Variants in COP1 observed in about 807,000 individuals in gnomAD.
COP1 encodes the protein E3 ubiquitin-protein ligase COP1.
Under a neutral mutation model 101.3 loss-of-function variants are expected in COP1, and 24 were observed. That is an observed-to-expected ratio of 0.24 (90% CI 0.17 to 0.33). The LOEUF is 0.33. Ranked by LOEUF, COP1 falls within the 10% of genes least tolerant of loss-of-function variation. The probability of loss-of-function intolerance (pLI) is 1.00; values close to 1 mark genes in which losing one functional copy is unlikely to be tolerated. For missense variants in COP1, 663 were observed against 906.2 expected (o/e 0.73, Z 3.45); for synonymous variants, 347 against 341.9 (o/e 1.01, Z -0.17).
chr1:176,061,614 G>A (rs1306783133), intron 11 of COP1, among the ~76,000 whole-genome samples: 1 of 151,820 alleles, frequency 6.6e-6, no homozygotes, highest in Non-Finnish European at 1.5e-5. Flanking sequence ...CAGCAAGAGT[G>A]AAACTCCGTC....
intron 18 of COP1, among the ~76,000 whole-genome samples, chr1:175,986,112 C>T (rs530525807): frequency 6.8e-4 from 104 of 152,246 alleles, no homozygotes; most frequent in Middle Eastern, 3.4e-3. Flanking sequence ...CTCTGCCTCG[C>T]GGGTTGATGC....
chr1:176,158,341 T>C (rs1693787528), intron 5 of COP1, among the ~76,000 whole-genome samples: 2 of 152,068 alleles, frequency 1.3e-5, no homozygotes, highest in Admixed American at 6.5e-5. Context: ...TTGTCAGACA[T>C]ATAAAAGAAA....
At chr1:176,081,931 G>T (rs887559734) in intron 10 of COP1, among the ~76,000 whole-genome samples, 1 of 152,080 alleles carries the variant, frequency 6.6e-6, no homozygotes, top group Non-Finnish European at 1.5e-5. Context: ...ATCTCTTGCT[G>T]AAATATGAAA....
chr1:176,045,771 G>A (rs1671413827), intron 12 of COP1, among the ~76,000 whole-genome samples: 1 of 151,782 alleles, frequency 6.6e-6, no homozygotes, highest in African/African-American at 2.4e-5. Flanking sequence ...GAATATTCTT[G>A]TAAAAAAAAT....
chr1:176,135,687 A>G (rs1689683226), intron 7 of COP1, among the ~76,000 whole-genome samples: 1 of 152,032 alleles, frequency 6.6e-6, no homozygotes, highest in South Asian at 2.1e-4. Context: ...TCTCTCTCAC[A>G]CTGACAACCT....
chr1:176,028,181 G>A (rs1668004524), intron 14 of COP1, among the ~76,000 whole-genome samples: 1 of 152,088 alleles, frequency 6.6e-6, no homozygotes, highest in African/African-American at 2.4e-5. Context: ...TGAGATCTGG[G>A]TGGGGACACA....
intron 5 of COP1, among the ~76,000 whole-genome samples, chr1:176,155,032 GACA>G (rs770188261): frequency 6.6e-6 from 1 of 152,038 alleles, no homozygotes; most frequent in Non-Finnish European, 1.5e-5. Flanking sequence ...TACAAAAAGT[GACA>G]ACAGTTCATA....
chr1:176,036,806 T>A (rs1188953996), intron 14 of COP1, among the ~76,000 whole-genome samples: 1 of 152,200 alleles, frequency 6.6e-6, no homozygotes, highest in Admixed American at 6.5e-5. Flanking sequence ...TTAAGGTAGG[T>A]TAGGCTAAGC....
intron 3 of COP1, among the ~76,000 whole-genome samples, chr1:176,166,437 G>T (rs1256526642): frequency 6.6e-6 from 1 of 152,146 alleles, no homozygotes; most frequent in African/African-American, 2.4e-5. Flanking sequence ...GGTAGATCAA[G>T]CCTGTAAAGG....
At chr1:176,139,622 T>C (rs1690360279) in intron 6 of COP1, among the ~76,000 whole-genome samples, 1 of 152,206 alleles carries the variant, frequency 6.6e-6, no homozygotes, top group African/African-American at 2.4e-5. Context: ...CGTGGAATAC[T>C]GTACAGCCAT....
chr1:176,001,986 C>A (rs74644786), intron 15 of COP1, among the ~76,000 whole-genome samples: 2,168 of 152,176 alleles, frequency 0.014, 57 homozygotes, highest in African/African-American at 0.049. Flanking sequence ...ATGAGGATCC[C>A]TGGTACTTGC....
In COP1 at chr1:176,170,804, A is replaced by C. The variant is rs895586572; in HGVS notation, c.565+5106T>G. ...GCACTGACTTCCCTCTCCAGCAATT[A>C]AAGTCCTAGATGGCATCTTCTTCCA... On this transcript the variant is annotated intron_variant, in intron 3 of 19. Transcript: ENST00000367669. Among the ~76,000 whole-genome samples the C allele has an allele frequency of 2.6e-5, 4 of 152,212 alleles. No homozygotes were observed. In the East Asian group the frequency reaches 7.7e-4, roughly 29 times the overall value.
rs532614446 is a variant in COP1, at chr1:175,972,574, C to T, written c.2133+14369G>A. On this transcript the variant is annotated intron_variant, in intron 18 of 19. Transcript: ENST00000367669. ...CCACCTCCCGGGTTCAAGCGATTCT[C>T]CTGCCTCAGCTTCCCGAGTAGCTGG... 6.8e-4 allele frequency among the ~76,000 whole-genome samples: 102 copies of T among 151,098 alleles called. 3 individuals carry two copies. Among genetic ancestry groups the T allele is most frequent in the African/African-American group, 2.4e-3 (99 of 41,092 alleles).
intron 1 of COP1, among the ~76,000 whole-genome samples, chr1:176,205,912 TTGG>T (rs1309207747): frequency 6.6e-6 from 1 of 152,216 alleles, no homozygotes; most frequent in African/African-American, 2.4e-5. Flanking sequence ...TTCAAGACAC[TTGG>T]TGGAGAAGTG....
At chr1:175,959,610 G>T (rs1238454804) in intron 18 of COP1, among the ~76,000 whole-genome samples, 5 of 152,012 alleles carry the variant, frequency 3.3e-5, no homozygotes, top group African/African-American at 9.7e-5. Flanking sequence ...CAAGATGGTT[G>T]GATTAAAAAT....
rs181494620 is a variant in COP1, at chr1:176,192,863, G to A, written c.408-8171C>T. Among the ~76,000 whole-genome samples the A allele has an allele frequency of 1.4e-3, 220 of 152,184 alleles. 3 individuals carry two copies. Among genetic ancestry groups the A allele is most frequent in the Admixed American group, 8.7e-3 (133 of 15,290 alleles). Reference sequence around the variant, plus strand: ...GATGTGTTCCTTGTATCCCTACTTTGATTTTTAAGATTAATTTTTTTAAAA... The same window carrying A: ...GATGTGTTCCTTGTATCCCTACTTTAATTTTTAAGATTAATTTTTTTAAAA... On this transcript the variant is annotated intron_variant, in intron 1 of 19. Transcript: ENST00000367669.
chr1:175,957,228 C>T (rs1057075803), intron 18 of COP1, among the ~76,000 whole-genome samples: 2 of 151,932 alleles, frequency 1.3e-5, no homozygotes, highest in African/African-American at 2.4e-5. Context: ...TGGGTCTTCA[C>T]GTTCACTCAC....
At chr1:176,093,844 C>CAAAA (rs1376193739) in intron 9 of COP1, among the ~76,000 whole-genome samples, 1 of 149,922 alleles carries the variant, frequency 6.7e-6, no homozygotes, top group African/African-American at 2.5e-5. Flanking sequence ...TGTCTCAAAA[C>CAAAA]AAAACAAAAC....
At chr1:175,988,751 T>TG in intron 16 of COP1, 1 of 182,314 alleles carries the variant, frequency 5.5e-6, no homozygotes, top group South Asian at 1.3e-4. Flanking sequence ...GAGAATCACT[T>TG]GAACCTGGGG....
Sources: gnomAD v4.1 joint callset for allele counts (sites outside exome capture counted in the v4.1 genomes callset) on GRCh38, gnomAD v4.1.1 for gene constraint, MANE v1.5 for transcripts, NCBI Gene and HGNC (gene_info 2026-07-23, HGNC 2026-07-21) for gene names.